Variants in CNTN5 observed in about 807,000 individuals in gnomAD.
CNTN5 encodes the protein contactin-5.
A neutral mutation model predicts 129.1 loss-of-function variants in CNTN5; 77 were observed. The observed-to-expected ratio is 0.60, with a 90% CI of 0.50 to 0.72. CNTN5 has a LOEUF of 0.72. Among genes scored for constraint, CNTN5 ranks in the 30% least tolerant of loss-of-function variants. CNTN5 has a pLI of 0.00. For synonymous variants in CNTN5, 509 were observed against 465.6 expected (o/e 1.09, Z -1.20); for missense variants, 1,478 against 1,328.8 (o/e 1.11, Z -1.75).
At chr11:99,426,015 A>G (rs1265077890) in intron 2 of CNTN5, among the ~76,000 whole-genome samples, 1 of 152,238 alleles carries the variant, frequency 6.6e-6, no homozygotes, top group South Asian at 2.1e-4. Flanking sequence ...AACATATACT[A>G]AGAAATAACA....
chr11:100,110,818 T>G (rs1339904667), intron 13 of CNTN5, among the ~76,000 whole-genome samples: 1 of 152,176 alleles, frequency 6.6e-6, no homozygotes, highest in African/African-American at 2.4e-5. Flanking sequence ...AATGTGGGAT[T>G]GATGTCACTT....
intron 13 of CNTN5, among the ~76,000 whole-genome samples, chr11:100,150,992 G>T (rs1232974830): frequency 6.6e-6 from 1 of 152,006 alleles, no homozygotes; most frequent in East Asian, 1.9e-4. Flanking sequence ...CGGTAAAAAA[G>T]TAACCATCTG....
At chr11:99,817,031 T>G (rs1946609969) in intron 3 of CNTN5, among the ~76,000 whole-genome samples, 1 of 152,224 alleles carries the variant, frequency 6.6e-6, no homozygotes, top group African/African-American at 2.4e-5. Context: ...AATGAGAGTT[T>G]TCTCTACCCA....
intron 2 of CNTN5, among the ~76,000 whole-genome samples, chr11:99,482,851 G>C (rs1475367406): frequency 6.6e-6 from 1 of 151,704 alleles, no homozygotes; most frequent in Non-Finnish European, 1.5e-5. Context: ...AAAATGAGAA[G>C]TCAAGACTGG....
At chr11:99,163,266 T>A (rs894863200) in intron 1 of CNTN5, among the ~76,000 whole-genome samples, 2 of 152,152 alleles carry the variant, frequency 1.3e-5, no homozygotes, top group African/African-American at 2.4e-5. Flanking sequence ...ATTTACGTTG[T>A]TTTCTAGAGT....
At chr11:100,001,208 A>C (rs779734304) in intron 8 of CNTN5, among the ~76,000 whole-genome samples, 13 of 152,162 alleles carry the variant, frequency 8.5e-5, no homozygotes, top group Non-Finnish European at 1.9e-4. Context: ...ATTATGATGG[A>C]AGGAGAAGGA....
intron 9 of CNTN5, among the ~76,000 whole-genome samples, chr11:100,003,463 C>A (rs2137482841): frequency 6.6e-6 from 1 of 152,222 alleles, no homozygotes; most frequent in Middle Eastern, 3.4e-3. Flanking sequence ...TATATTCTGG[C>A]TTGAAGACAA....
chr11:100,250,711 G>A (rs945741219), intron 16 of CNTN5, among the ~76,000 whole-genome samples: 1 of 151,962 alleles, frequency 6.6e-6, no homozygotes, highest in African/African-American at 2.4e-5. Flanking sequence ...AGAATAAAGA[G>A]GATTTATTAT....
At chr11:99,444,343 A>G (rs1037277979) in intron 2 of CNTN5, among the ~76,000 whole-genome samples, 3 of 152,226 alleles carry the variant, frequency 2.0e-5, no homozygotes, top group Non-Finnish European at 2.9e-5. Context: ...GAAAGAATAA[A>G]GAAACAAAAT....
chr11:99,530,865 CTGTAAGTCAAA>C (rs1947676494), intron 2 of CNTN5, among the ~76,000 whole-genome samples: 1 of 152,202 alleles, frequency 6.6e-6, no homozygotes, highest in African/African-American at 2.4e-5. Context: ...CCATGTGGAA[CTGTAAGTCAAA>C]TTAAACCTCT....
At chr11:99,465,835 G>C (rs1478010473) in intron 2 of CNTN5, among the ~76,000 whole-genome samples, 1 of 149,194 alleles carries the variant, frequency 6.7e-6, no homozygotes, top group Non-Finnish European at 1.5e-5. Context: ...TACGTGGCCG[G>C]AACAGGAGGA....
chr11:100,009,459 A>C (rs1206170873), intron 9 of CNTN5, among the ~76,000 whole-genome samples: 2 of 152,144 alleles, frequency 1.3e-5, no homozygotes, highest in Non-Finnish European at 2.9e-5. Flanking sequence ...TGTAAAAAAA[A>C]AAATGGAGGG....
intron 15 of CNTN5, among the ~76,000 whole-genome samples, chr11:100,223,680 T>C (rs11223303): frequency 0.067 from 10,191 of 152,096 alleles, 375 homozygotes; most frequent in Non-Finnish European, 0.082. Context: ...TTAGAGAAAA[T>C]TTTTGAGTTC....
At chr11:99,118,890 G>A (rs977345225) in intron 1 of CNTN5, among the ~76,000 whole-genome samples, 1 of 149,460 alleles carries the variant, frequency 6.7e-6, no homozygotes, top group Admixed American at 6.8e-5. Flanking sequence ...ATATATTTAG[G>A]TATACCATAA....
chr11:99,706,713 A>G (rs926392933), intron 3 of CNTN5, among the ~76,000 whole-genome samples: 4 of 151,442 alleles, frequency 2.6e-5, no homozygotes, highest in African/African-American at 9.7e-5. Context: ...AGTGAATTCT[A>G]TCTATCTTTT....
chr11:99,849,113 G>A (rs1207853377), intron 6 of CNTN5, among the ~76,000 whole-genome samples: 1 of 151,188 alleles, frequency 6.6e-6, no homozygotes, highest in South Asian at 2.1e-4. Context: ...TTTTATAATA[G>A]GTATATACTT....
chr11:99,641,127 G>A (rs985433185), intron 3 of CNTN5, among the ~76,000 whole-genome samples: 3 of 152,206 alleles, frequency 2.0e-5, no homozygotes, highest in African/African-American at 7.2e-5. Context: ...AGATGGCTGT[G>A]AAGAGCTTGA....
intron 10 of CNTN5, among the ~76,000 whole-genome samples, chr11:100,067,942 A>T (rs1438863932): frequency 6.6e-6 from 1 of 152,014 alleles, no homozygotes. Context: ...AGGACTCTAA[A>T]TTTTTTCTTC....
chr11:99,982,842 C>T lies in CNTN5; in HGVS notation c.878-19192C>T, dbSNP rs138240688. 2.4e-3 allele frequency among the ~76,000 whole-genome samples: 371 copies of T among 152,174 alleles called. 1 individual carries two copies. The highest frequency in any genetic ancestry group is 8.5e-3 in the African/African-American group (354 of 41,520). ...ATTTTTAGTAGATACGGGGTTTCAC[C>T]GTATTAGCCAGGATGGTCTCGATCT... On this transcript the variant is annotated intron_variant, in intron 8 of 24. Transcript: ENST00000524871.
Sources: gnomAD v4.1 joint callset for allele counts (sites outside exome capture counted in the v4.1 genomes callset) on GRCh38, gnomAD v4.1.1 for gene constraint, MANE v1.5 for transcripts, NCBI Gene and HGNC (gene_info 2026-07-23, HGNC 2026-07-21) for gene names.